Variants in INPP5F observed in about 807,000 individuals in gnomAD.
The protein encoded by INPP5F is phosphatidylinositide 4-phosphatase SAC2.
A neutral mutation model predicts 137.2 loss-of-function variants in INPP5F; 97 were observed. The ratio of observed to expected loss-of-function variants is 0.71; its 90% CI spans 0.60 to 0.84. INPP5F has a LOEUF of 0.84. INPP5F is among the 40% of genes least tolerant of loss of function. The pLI is 0.00. For missense variants in INPP5F, 1,271 were observed against 1,371.9 expected, an observed-to-expected ratio of 0.93 and a Z score of 1.16; for synonymous variants, 504 against 476.9, an observed-to-expected ratio of 1.06 and a Z score of -0.74.
chr10:119,744,320 C>T (rs1848464087), intron 1 of INPP5F, among the ~76,000 whole-genome samples: 1 of 152,190 alleles, frequency 6.6e-6, no homozygotes, highest in African/African-American at 2.4e-5. Flanking sequence ...ATCCTCCATC[C>T]TTCCCCTTGC....
intron 11 of INPP5F, among the ~76,000 whole-genome samples, chr10:119,805,720 C>G (rs1564842709): frequency 6.6e-6 from 1 of 152,228 alleles, no homozygotes; most frequent in Non-Finnish European, 1.5e-5. Context: ...TTTATTCCTT[C>G]TCATGCCCCA....
intron 15 of INPP5F, among the ~76,000 whole-genome samples, chr10:119,812,751 G>A (rs1424595352): frequency 1.3e-5 from 2 of 152,090 alleles, no homozygotes; most frequent in Non-Finnish European, 2.9e-5. Context: ...AGTAAATACT[G>A]TTATGTATGG....
At position 119,726,163 on chromosome 10, in the gene INPP5F, C is replaced by A; in HGVS notation, c.-100C>A. The stretch of plus-strand genomic sequence containing the variant: ...CGCTGCTTCTCGGCGCGGTTCCTAC[C>A]CGGCCGCTCCCCGAGGCGCGGGCTC... On this transcript the variant is annotated 5_prime_UTR_variant, in exon 1 of 20. Transcript: ENST00000650623. 1 of 681,824 alleles carries A rather than the reference C, an allele frequency of 1.5e-6. No homozygotes were observed. Among genetic ancestry groups the A allele is most frequent in the Non-Finnish European group, 2.1e-6 (1 of 474,964 alleles). 42.2% of individuals were successfully genotyped at this position (681,824 alleles called of 1,614,324 possible).
chr10:119,729,557 G>C (rs890884982), intron 1 of INPP5F, among the ~76,000 whole-genome samples: 3 of 149,620 alleles, frequency 2.0e-5, no homozygotes, highest in Non-Finnish European at 4.4e-5. Context: ...ATTTCTATCT[G>C]ATGTAGCATT....
chr10:119,774,986 A>G (rs544439485), intron 2 of INPP5F, among the ~76,000 whole-genome samples: 1 of 109,390 alleles, frequency 9.1e-6, no homozygotes, highest in South Asian at 2.5e-4. Context: ...AGTCTAACAC[A>G]TAGATCAAAA....
At chr10:119,806,999 A>C (rs1300985469) in intron 12 of INPP5F, among the ~76,000 whole-genome samples, 1 of 151,952 alleles carries the variant, frequency 6.6e-6, no homozygotes, top group African/African-American at 2.4e-5. Context: ...GGCTGGGCGC[A>C]GTGGCTCATG....
chr10:119,756,048 C>T (rs1485808560), intron 2 of INPP5F, among the ~76,000 whole-genome samples: 5 of 151,792 alleles, frequency 3.3e-5, no homozygotes, highest in East Asian at 1.9e-4. Flanking sequence ...CCCAGCTACT[C>T]GGGAGGCTGA....
chr10:119,784,705 A>AATTC (rs1849818834), intron 3 of INPP5F, among the ~76,000 whole-genome samples: 1 of 152,254 alleles, frequency 6.6e-6, no homozygotes, highest in African/African-American at 2.4e-5. Context: ...CACATACCAT[A>AATTC]ATTCAAATAC....
At chr10:119,789,451 ACTG>A (rs1417953614) in intron 3 of INPP5F, among the ~76,000 whole-genome samples, 1 of 152,116 alleles carries the variant, frequency 6.6e-6, no homozygotes, top group Non-Finnish European at 1.5e-5. Flanking sequence ...TCTTTTTAAA[ACTG>A]CTGCTCTGCT....
intron 2 of INPP5F, among the ~76,000 whole-genome samples, chr10:119,761,426 CT>C (rs1849005912): frequency 1.3e-5 from 2 of 152,168 alleles, no homozygotes; most frequent in African/African-American, 4.8e-5. Context: ...GTACTTTTAG[CT>C]ATTAGGTACC....
At chr10:119,784,825 AC>A (rs1168205107) in intron 3 of INPP5F, among the ~76,000 whole-genome samples, 2 of 151,936 alleles carry the variant, frequency 1.3e-5, no homozygotes, top group African/African-American at 4.8e-5. Flanking sequence ...CCCCGAAAAA[AC>A]CCTGTCTTCG....
intron 3 of INPP5F, 58 bp from the exon 4 acceptor site, chr10:119,791,459 T>C (rs1311260390): frequency 2.9e-6 from 4 of 1,393,162 alleles, no homozygotes; most frequent in Non-Finnish European, 4.0e-6. Flanking sequence ...ACTTTTGCAC[T>C]CGAACATTTA....
At chr10:119,779,664 C>T (rs1849640201) in intron 2 of INPP5F, among the ~76,000 whole-genome samples, 1 of 152,082 alleles carries the variant, frequency 6.6e-6, no homozygotes, top group African/African-American at 2.4e-5. Flanking sequence ...AAGCAATCCT[C>T]CCACTTTGAC....
intron 15 of INPP5F, chr10:119,815,596 G>T: frequency 7.7e-6 from 2 of 260,734 alleles, no homozygotes; most frequent in South Asian, 1.1e-4. Context: ...GATGCAGAGT[G>T]GTTCTGTCTG....
At chr10:119,811,649 G>C (rs1338049473) in intron 14 of INPP5F, 108 bp from the exon 15 acceptor site, 2 of 820,038 alleles carry the variant, frequency 2.4e-6, no homozygotes, top group Admixed American at 5.3e-5. Flanking sequence ...ATTTATGCTT[G>C]TGTTTTCTTC....
intron 15 of INPP5F, chr10:119,815,723 G>A (rs1317179103): frequency 4.3e-6 from 1 of 234,992 alleles, no homozygotes; most frequent in Non-Finnish European, 8.9e-6. Context: ...ATTGTCAAGA[G>A]GAGGAGGTAG....
intron 12 of INPP5F, among the ~76,000 whole-genome samples, chr10:119,807,467 T>C (rs1271637680): frequency 6.6e-6 from 1 of 152,142 alleles, no homozygotes; most frequent in Admixed American, 6.5e-5. Context: ...TCATAATTTG[T>C]AAAATGTAGG....
chr10:119,810,023 G>GA, intron 13 of INPP5F, 77 bp from the exon 14 acceptor site: 1 of 816,752 alleles, frequency 1.2e-6, no homozygotes, highest in Non-Finnish European at 2.1e-6. Flanking sequence ...TTCTAGACTT[G>GA]AACTGAAAGC....
chr10:119,825,973 G>C, intron 19 of INPP5F: 2 of 398,500 alleles, frequency 5.0e-6, no homozygotes, highest in Non-Finnish European at 8.8e-6. Context: ...GATACCAAAG[G>C]AGAGAAGACA....
Sources: allele counts gnomAD v4.1 joint callset (sites outside exome capture counted in the v4.1 genomes callset), GRCh38; gene constraint gnomAD v4.1.1; transcripts MANE v1.5; gene names NCBI Gene and HGNC (gene_info 2026-07-23, HGNC 2026-07-21).